Variants in MYOZ2 observed in about 807,000 individuals in gnomAD.
MYOZ2 encodes myozenin-2.
MYOZ2 carries 19 observed loss-of-function variants against 25.4 expected under a neutral mutation model. The ratio of observed to expected loss-of-function variants is 0.75; its 90% CI spans 0.52 to 1.10. The LOEUF is 1.10. MYOZ2 is among the 50% of genes least tolerant of loss of function. The probability of loss-of-function intolerance (pLI) is 0.00; values close to 1 mark genes in which losing one functional copy is unlikely to be tolerated. For synonymous variants in MYOZ2, 92 were observed against 106.9 expected (o/e 0.86, Z 0.86); for missense variants, 270 against 317.9 (o/e 0.85, Z 1.15).
chr4:119,137,947 T>C (rs898391373), intron 2 of MYOZ2, among the ~76,000 whole-genome samples: 1 of 152,182 alleles, frequency 6.6e-6, no homozygotes, highest in Non-Finnish European at 1.5e-5. Context: ...CCTTTCATGT[T>C]ATTATTTTCT....
chr4:119,176,197 T>C (rs1304475895), intron 5 of MYOZ2, among the ~76,000 whole-genome samples: 1 of 152,008 alleles, frequency 6.6e-6, no homozygotes, highest in African/African-American at 2.4e-5. Flanking sequence ...ATTTGTTGCA[T>C]GAATACATGG....
intron 3 of MYOZ2, among the ~76,000 whole-genome samples, chr4:119,154,130 A>T (rs984252098): frequency 2.6e-5 from 4 of 152,148 alleles, no homozygotes; most frequent in Admixed American, 2.6e-4. Context: ...GGAACTCTAA[A>T]TATATATTTG....
intron 5 of MYOZ2, among the ~76,000 whole-genome samples, chr4:119,167,967 T>C (rs940088977): frequency 6.6e-6 from 1 of 151,270 alleles, no homozygotes; most frequent in Non-Finnish European, 1.5e-5. Flanking sequence ...ACACGGAGAT[T>C]AATGTTTTGT....
chr4:119,149,360 C>G (rs1374591963), intron 2 of MYOZ2, among the ~76,000 whole-genome samples: 1 of 152,214 alleles, frequency 6.6e-6, no homozygotes, highest in African/African-American at 2.4e-5. Context: ...AAATTCTGGG[C>G]TCCCCACAAG....
intron 2 of MYOZ2, among the ~76,000 whole-genome samples, chr4:119,142,824 C>T (rs140606684): frequency 2.0e-5 from 3 of 152,170 alleles, no homozygotes; most frequent in African/African-American, 4.8e-5. Context: ...ACTTCTTCCC[C>T]GCTGCTGTTT....
At chr4:119,179,866 C>T (rs1742153188) in intron 5 of MYOZ2, among the ~76,000 whole-genome samples, 2 of 152,204 alleles carry the variant, frequency 1.3e-5, no homozygotes, top group African/African-American at 4.8e-5. Flanking sequence ...TTCCTTCTAG[C>T]CCCTTTATAG....
At position 119,145,338 on chromosome 4, in the gene MYOZ2, GTTTTTTTT is replaced by G. The variant is rs60344545; in HGVS notation, c.77-5517_77-5510del. The stretch of plus-strand genomic sequence containing the variant: ...GTAATTTTTTCTGTGTGCGTGTGTG[GTTTTTTTT>G]TTTTTTTTTTTTTTTTGAGATAGGG... On this transcript the variant is annotated intron_variant, in intron 2 of 5. Coordinates refer to ENST00000307128, the MANE Select transcript of MYOZ2 (RefSeq NM_016599.5). Among the ~76,000 whole-genome samples, 199 of 100,608 alleles carry G rather than the reference GTTTTTTTT, an allele frequency of 2.0e-3. 1 individual carries two copies. The highest frequency in any genetic ancestry group is 8.0e-3 in the East Asian group (29 of 3,622). 66.0% of individuals were successfully genotyped at this position (100,608 alleles called of 152,430 possible).
chr4:119,144,170 T>C (rs1051368317), intron 2 of MYOZ2, among the ~76,000 whole-genome samples: 16 of 152,204 alleles, frequency 1.1e-4, no homozygotes, highest in African/African-American at 3.9e-4. Context: ...TCTCCATTTC[T>C]ATAATTTTTC....
intron 5 of MYOZ2, among the ~76,000 whole-genome samples, chr4:119,164,939 T>C (rs1223771474): frequency 6.6e-6 from 1 of 152,012 alleles, no homozygotes; most frequent in Non-Finnish European, 1.5e-5. Flanking sequence ...GTATAGTTTA[T>C]AGAATGGGCA....
At chr4:119,175,686 AG>A (rs1374735487) in intron 5 of MYOZ2, among the ~76,000 whole-genome samples, 1 of 151,580 alleles carries the variant, frequency 6.6e-6, no homozygotes, top group Non-Finnish European at 1.5e-5. Flanking sequence ...CAGGAGACAG[AG>A]GTTGCTGTGA....
chr4:119,136,254 C>A lies in MYOZ2; in HGVS notation c.-14-258C>A, dbSNP rs181092724. ...GAAAAGAGAGGGAGGGGAAAGGAGA[C>A]CAGCAATTTCATTGTTTCTCACTGC... On this transcript the variant is annotated intron_variant, in intron 1 of 5. Coordinates refer to ENST00000307128, the MANE Select transcript of MYOZ2 (RefSeq NM_016599.5). Among the ~76,000 whole-genome samples, 184 of 152,210 alleles carry A rather than the reference C, an allele frequency of 1.2e-3. 2 individuals are homozygous for A. The highest frequency in any genetic ancestry group is 8.1e-4 in the Non-Finnish European group (55 of 68,016).
In MYOZ2 at chr4:119,186,304, T is replaced by C; in HGVS notation, c.*104T>C. On this transcript the variant is annotated 3_prime_UTR_variant, in exon 6 of 6. Coordinates refer to ENST00000307128, the MANE Select transcript of MYOZ2 (RefSeq NM_016599.5). ...TTGCATTTTTCATTAGTAGCAACAA[T>C]AGCAATTTAGTGATTTTCCTTTTCT... 1.2e-6 allele frequency: 1 copy of C among 823,142 alleles called. No individual in the cohort carries two copies. The allele number at this position is 823,142 out of a possible 1,614,324, so 51.0% of individuals were successfully genotyped here.
rs559450300 is a variant in MYOZ2, at chr4:119,153,206, T to C, written c.246+2165T>C. 2.2e-4 allele frequency among the ~76,000 whole-genome samples: 33 copies of C among 152,212 alleles called. No individual in the cohort carries two copies. The South Asian group carries it at 6.8e-3, about 32-fold the overall frequency. ...AAAAAATTACCTGCACAATAAGTCA[T>C]TAAGGAAGATAGTGAGCCACGTTGT... On this transcript the variant is annotated intron_variant, in intron 3 of 5. Transcript: ENST00000307128.
At chr4:119,175,718 C>T (rs1252436814) in intron 5 of MYOZ2, among the ~76,000 whole-genome samples, 1 of 151,182 alleles carries the variant, frequency 6.6e-6, no homozygotes, top group East Asian at 1.9e-4. Context: ...TCCCACTGCA[C>T]TCCAGCCTGG....
intron 2 of MYOZ2, among the ~76,000 whole-genome samples, chr4:119,141,872 G>A (rs376251470): frequency 1.3e-4 from 20 of 152,278 alleles, no homozygotes; most frequent in African/African-American, 4.1e-4. Flanking sequence ...AGCTGACAGC[G>A]TTCTTGACTC....
intron 2 of MYOZ2, among the ~76,000 whole-genome samples, chr4:119,139,867 GT>G (rs1561100234): frequency 6.6e-6 from 1 of 152,030 alleles, no homozygotes; most frequent in African/African-American, 2.4e-5. Context: ...TTTTTGGTAC[GT>G]TTTTTGTTTG....
intron 5 of MYOZ2, among the ~76,000 whole-genome samples, chr4:119,182,630 C>A (rs1355615316): frequency 6.6e-6 from 1 of 152,096 alleles, no homozygotes; most frequent in Non-Finnish European, 1.5e-5. Flanking sequence ...TCGTAAGGAG[C>A]CTGCAACCTT....
intron 5 of MYOZ2, among the ~76,000 whole-genome samples, chr4:119,174,966 C>G (rs933980502): frequency 3.3e-5 from 5 of 152,100 alleles, no homozygotes; most frequent in Non-Finnish European, 7.4e-5. Flanking sequence ...CCGTGAAGGT[C>G]TGCAGCTTCA....
chr4:119,150,753 A>G (rs374015251), intron 2 of MYOZ2, 119 bp from the exon 3 acceptor site: 2 of 1,007,272 alleles, frequency 2.0e-6, no homozygotes, highest in African/African-American at 1.6e-5. Flanking sequence ...TAGAGAAAAT[A>G]AATGACATAC....
Sources: gnomAD v4.1 joint callset for allele counts (sites outside exome capture counted in the v4.1 genomes callset) on GRCh38, gnomAD v4.1.1 for gene constraint, MANE v1.5 for transcripts, NCBI Gene and HGNC (gene_info 2026-07-23, HGNC 2026-07-21) for gene names.